Variants in IMMP2L observed in about 807,000 individuals in gnomAD.
IMMP2L encodes inner mitochondrial membrane peptidase subunit 2, also known as mitochondrial inner membrane protease subunit 2.
A neutral mutation model predicts 19.3 loss-of-function variants in IMMP2L; 18 were observed. The observed-to-expected ratio is 0.93, with a 90% CI of 0.64 to 1.38. The LOEUF is 1.38. IMMP2L is among the 40% of genes most tolerant of loss of function. The probability of loss-of-function intolerance (pLI) is 0.00; values close to 1 mark genes in which losing one functional copy is unlikely to be tolerated. For missense variants in IMMP2L, 233 were observed against 218.2 expected, an observed-to-expected ratio of 1.07 and a Z score of -0.43; for synonymous variants, 76 against 73.0, an observed-to-expected ratio of 1.04 and a Z score of -0.21.
At chr7:110,874,510 T>C (rs940000894) in intron 5 of IMMP2L, among the ~76,000 whole-genome samples, 4 of 152,096 alleles carry the variant, frequency 2.6e-5, no homozygotes, top group Non-Finnish European at 5.9e-5. Context: ...TTCACATTAA[T>C]ATAATATTAT....
chr7:111,141,110 A>G (rs541677099), intron 3 of IMMP2L, among the ~76,000 whole-genome samples: 198 of 152,310 alleles, frequency 1.3e-3, no homozygotes, highest in African/African-American at 4.5e-3. Context: ...CCTATGCATT[A>G]GTGTCTGTAG....
chr7:110,739,380 T>A (rs1346907706), intron 5 of IMMP2L, among the ~76,000 whole-genome samples: 3 of 152,116 alleles, frequency 2.0e-5, no homozygotes, highest in Non-Finnish European at 4.4e-5. Flanking sequence ...AGACATTCCA[T>A]GCAAATGGAC....
At chr7:110,992,944 A>G (rs1320878381) in intron 3 of IMMP2L, among the ~76,000 whole-genome samples, 1 of 152,160 alleles carries the variant, frequency 6.6e-6, no homozygotes, top group East Asian at 1.9e-4. Context: ...TCATTTTTTT[A>G]GTGAGAATTC....
At position 110,832,041 on chromosome 7, in the gene IMMP2L, A is replaced by T. The variant is rs139038100; in HGVS notation, c.408+54552T>A. On this transcript the variant is annotated intron_variant, in intron 5 of 5. Transcript: ENST00000405709. The stretch of plus-strand genomic sequence containing the variant: ...CACTTTGGGAGGTTGAGGTGTGCGG[A>T]TCACGAGGTCAGGAGATCAAGACTA... Among the ~76,000 whole-genome samples the T allele has an allele frequency of 9.2e-5, 14 of 152,316 alleles. No individual in the cohort carries two copies. In the East Asian group the frequency reaches 2.7e-3, roughly 29 times the overall value.
intron 3 of IMMP2L, among the ~76,000 whole-genome samples, chr7:111,302,413 A>G (rs2079169290): frequency 6.6e-6 from 1 of 152,096 alleles, no homozygotes; most frequent in Non-Finnish European, 1.5e-5. Context: ...TGACGTCCCT[A>G]TTTATGAAGT....
intron 3 of IMMP2L, among the ~76,000 whole-genome samples, chr7:111,225,038 T>C (rs193032966): frequency 2.5e-4 from 38 of 152,254 alleles, no homozygotes; most frequent in African/African-American, 8.7e-4. Flanking sequence ...GCACTCCTGG[T>C]TGTTTCCGTT....
At chr7:110,927,020 C>T (rs1814929151) in intron 4 of IMMP2L, among the ~76,000 whole-genome samples, 1 of 152,264 alleles carries the variant, frequency 6.6e-6, no homozygotes, top group Non-Finnish European at 1.5e-5. Flanking sequence ...TTCTAATGCA[C>T]AGAAACTGAT....
intron 1 of IMMP2L, among the ~76,000 whole-genome samples, chr7:111,537,710 A>G (rs556383738): frequency 5.3e-5 from 8 of 151,280 alleles, no homozygotes; most frequent in Admixed American, 4.6e-4. Context: ...TAATTTTTGT[A>G]TTTTTTGTAG....
chr7:111,255,943 A>G lies in IMMP2L; in HGVS notation c.239+231295T>C, dbSNP rs190862578. Among the ~76,000 whole-genome samples, 628 of 152,210 alleles carry G rather than the reference A, an allele frequency of 4.1e-3. 9 individuals are homozygous for G. Among genetic ancestry groups the G allele is most frequent in the African/African-American group, 0.015 (606 of 41,558 alleles). On this transcript the variant is annotated intron_variant, in intron 3 of 5. Coordinates refer to ENST00000405709, the MANE Select transcript of IMMP2L (RefSeq NM_032549.4). The stretch of plus-strand genomic sequence containing the variant: ...TGTTCAAAGCTGTAATTACCAAGGA[A>G]TGTTTCTGGAAACAACAAATGCTTT...
In IMMP2L at chr7:111,260,932, A is replaced by AG. The variant is rs113175703; in HGVS notation, c.239+226305dup. ...GGCAATTCTTACTATTCTTGATTAC[A>AG]GCGTAAATACATGAGGATAAAAAAA... On this transcript the variant is annotated intron_variant, in intron 3 of 5. Transcript: ENST00000405709. 3.1e-3 allele frequency among the ~76,000 whole-genome samples: 479 copies of AG among 152,278 alleles called. 2 individuals carry two copies. Among genetic ancestry groups the AG allele is most frequent in the African/African-American group, 0.011 (453 of 41,568 alleles).
intron 3 of IMMP2L, among the ~76,000 whole-genome samples, chr7:111,364,710 C>G (rs1479249856): frequency 6.6e-6 from 1 of 151,702 alleles, no homozygotes; most frequent in Non-Finnish European, 1.5e-5. Flanking sequence ...GTGACTCACT[C>G]CTGTAATCCC....
At chr7:111,065,138 T>C (rs1454715078) in intron 3 of IMMP2L, among the ~76,000 whole-genome samples, 1 of 152,224 alleles carries the variant, frequency 6.6e-6, no homozygotes, top group East Asian at 1.9e-4. Flanking sequence ...TCATGAGTAT[T>C]TCCTTCTTTT....
At chr7:111,356,756 G>A (rs1162678872) in intron 3 of IMMP2L, among the ~76,000 whole-genome samples, 1 of 152,180 alleles carries the variant, frequency 6.6e-6, no homozygotes, top group East Asian at 1.9e-4. Flanking sequence ...GCTGGGCTCA[G>A]TGGCTCATGC....
intron 5 of IMMP2L, among the ~76,000 whole-genome samples, chr7:110,872,729 TG>T (rs1181047979): frequency 2.0e-5 from 3 of 152,154 alleles, no homozygotes; most frequent in Non-Finnish European, 4.4e-5. Flanking sequence ...CCTGCCCCAC[TG>T]GTCATAGCTA....
chr7:110,878,515 C>A (rs1219120424), intron 5 of IMMP2L, among the ~76,000 whole-genome samples: 1 of 151,638 alleles, frequency 6.6e-6, no homozygotes, highest in Non-Finnish European at 1.5e-5. Context: ...AAAAAATTTA[C>A]TTTTAAATTT....
intron 3 of IMMP2L, among the ~76,000 whole-genome samples, chr7:111,399,693 T>C (rs1833239271): frequency 6.6e-6 from 1 of 152,076 alleles, no homozygotes; most frequent in Admixed American, 6.6e-5. Context: ...ATGTATCCTT[T>C]CATACTAACA....
chr7:111,196,407 C>T (rs1032629593), intron 3 of IMMP2L, among the ~76,000 whole-genome samples: 5 of 152,136 alleles, frequency 3.3e-5, no homozygotes, highest in African/African-American at 9.7e-5. Context: ...GTGACCCATT[C>T]ATCACTAGGA....
chr7:110,754,550 T>A (rs1252746231), intron 5 of IMMP2L, among the ~76,000 whole-genome samples: 5 of 152,044 alleles, frequency 3.3e-5, no homozygotes, highest in Non-Finnish European at 7.4e-5. Flanking sequence ...TTATAGAAAA[T>A]GAAAAGTTAT....
intron 3 of IMMP2L, among the ~76,000 whole-genome samples, chr7:111,007,910 A>G (rs1824477102): frequency 6.6e-6 from 1 of 152,042 alleles, no homozygotes; most frequent in African/African-American, 2.4e-5. Flanking sequence ...CTCTTCCCAA[A>G]TGCAATTAAT....
Sources: gnomAD v4.1 joint callset for allele counts (sites outside exome capture counted in the v4.1 genomes callset) on GRCh38, gnomAD v4.1.1 for gene constraint, MANE v1.5 for transcripts, NCBI Gene and HGNC (gene_info 2026-07-23, HGNC 2026-07-21) for gene names.